Variants in MAP3K21 observed in about 807,000 individuals in gnomAD.
MAP3K21 encodes mitogen-activated protein kinase kinase kinase 21, also known as mitogen-activated protein kinase kinase kinase MLK4.
A neutral mutation model predicts 86.1 loss-of-function variants in MAP3K21; 63 were observed. The observed-to-expected ratio is 0.73, with a 90% confidence interval of 0.60 to 0.90. The LOEUF (loss-of-function observed/expected upper bound fraction) is 0.90. Among genes scored for constraint, MAP3K21 ranks in the 40% least tolerant of loss-of-function variants. MAP3K21 has a pLI of 0.00. For missense variants in MAP3K21, 1,220 were observed against 1,367.7 expected (o/e 0.89, Z 1.70); for synonymous variants, 558 against 564.8 (o/e 0.99, Z 0.17).
chr1:233,372,089 G>A lies in MAP3K21; in HGVS notation c.1604G>A (p.Arg535Gln), dbSNP rs748650251. 8.1e-6 allele frequency: 13 copies of A among 1,613,928 alleles called. No homozygotes were observed. Among genetic ancestry groups the A allele is most frequent in the South Asian group, 5.5e-5 (5 of 91,056 alleles). The change falls in exon 6 of 10, where the codon CGG (arginine) becomes CAG (glutamine). Residue 535 changes from arginine (R) to glutamine (Q), a missense_variant. Physicochemically the swap from Arg to Gln is conservative, Grantham distance 43. Coordinates refer to ENST00000366624, the MANE Select transcript of MAP3K21 (RefSeq NM_032435.3). ...VQASPNLDKR[R>Q]SLNSSSSSPP... is the part of the protein sequence containing the mutation. The stretch of plus-strand genomic sequence containing the variant: ...GCCTCTCCCAACTTGGACAAACGGC[G>A]GAGCCTGAACAGCAGCAGTTCCAGT...
intron 1 of MAP3K21, among the ~76,000 whole-genome samples, chr1:233,343,840 C>A (rs1041037539): frequency 2.6e-5 from 4 of 152,150 alleles, no homozygotes; most frequent in Admixed American, 1.3e-4. Flanking sequence ...GTAGAATATA[C>A]TCAGGAGTGT....
At chr1:233,329,536 C>T in intron 1 of MAP3K21, among the ~76,000 whole-genome samples, 1 of 152,188 alleles carries the variant, frequency 6.6e-6, no homozygotes, top group Middle Eastern at 3.4e-3. Flanking sequence ...CGCCTGTAAT[C>T]CCAGCTACTC....
At chr1:233,358,660 G>A (rs1014057909) in intron 4 of MAP3K21, among the ~76,000 whole-genome samples, 1 of 152,046 alleles carries the variant, frequency 6.6e-6, no homozygotes, top group Admixed American at 6.5e-5. Context: ...GGGTGTGATG[G>A]CTTGCAGCTG....
chr1:233,371,140 G>A (rs1663670749), intron 5 of MAP3K21, among the ~76,000 whole-genome samples: 1 of 152,162 alleles, frequency 6.6e-6, no homozygotes, highest in African/African-American at 2.4e-5. Context: ...TAGATAATAA[G>A]AGCCAGCATT....
intron 5 of MAP3K21, among the ~76,000 whole-genome samples, chr1:233,370,998 C>G (rs996950788): frequency 4.6e-5 from 7 of 152,192 alleles, no homozygotes; most frequent in African/African-American, 1.7e-4. Context: ...TCTTTTACCT[C>G]CTTCCAAGTT....
At chr1:233,369,606 T>C (rs1281636400) in intron 5 of MAP3K21, among the ~76,000 whole-genome samples, 1 of 151,968 alleles carries the variant, frequency 6.6e-6, no homozygotes, top group Non-Finnish European at 1.5e-5. Context: ...CTCAGAATGG[T>C]TTTTACACTT....
intron 1 of MAP3K21, among the ~76,000 whole-genome samples, chr1:233,335,312 A>G (rs190864120): frequency 6.6e-6 from 1 of 152,184 alleles, no homozygotes; most frequent in Non-Finnish European, 1.5e-5. Context: ...TTTAAAATTC[A>G]TCTTCTCCAA....
intron 4 of MAP3K21, among the ~76,000 whole-genome samples, chr1:233,361,022 C>T (rs894389781): frequency 1.3e-5 from 2 of 152,046 alleles, no homozygotes; most frequent in African/African-American, 4.8e-5. Context: ...CTTGCAGATG[C>T]GTTGATTTTT....
chr1:233,364,878 C>T (rs1488040596), intron 5 of MAP3K21, among the ~76,000 whole-genome samples: 1 of 152,074 alleles, frequency 6.6e-6, no homozygotes, highest in African/African-American at 2.4e-5. Context: ...TGACAGTTAC[C>T]TCTTCTGCCC....
chr1:233,354,304 T>A (rs1201465732), intron 3 of MAP3K21, among the ~76,000 whole-genome samples: 1 of 152,232 alleles, frequency 6.6e-6, no homozygotes. Flanking sequence ...CAGAAATGCC[T>A]TATGGTCTTA....
At position 233,328,170 on chromosome 1, in the gene MAP3K21, G is replaced by A. The variant is rs1484320477; in HGVS notation, c.142G>A (p.Asp48Asn). Residue 48 changes from aspartate (D) to asparagine (N), a missense_variant, in exon 1 of 10, where the codon GAC becomes AAC. Physicochemically the swap from Asp to Asn is conservative, Grantham distance 23 (BLOSUM62 1). Around this residue, in one of 5 missense-constraint regions of MAP3K21, gnomAD observed 369 missense variants for 385.3 expected, o/e 0.96. Transcript: ENST00000366624. This position sits in a 1 kb window ranked among gnomAD's most constrained non-coding sequence, Gnocchi z 8.7. ...AGAGLWAALY[D>N]YEARGEDELS... ...CGCGGGGCTGTGGGCCGCGCTCTAT[G>A]ACTACGAGGCTCGCGGCGAGGACGA... The A allele has an allele frequency of 2.7e-6, 4 of 1,471,528 alleles. No individual in the cohort carries two copies. The highest frequency in any genetic ancestry group is 2.4e-5 in the Admixed American group (1 of 41,660). 91.2% of individuals were successfully genotyped at this position (1,471,528 alleles called of 1,614,324 possible). A position where few individuals can be genotyped will look rare whatever the true frequency, so the allele number is the denominator to read the frequency against.
chr1:233,361,540 G>A (rs893640776), intron 4 of MAP3K21, among the ~76,000 whole-genome samples: 2 of 152,096 alleles, frequency 1.3e-5, no homozygotes, highest in Non-Finnish European at 2.9e-5. Context: ...CTTAAGCAAA[G>A]TTGTAAATAC....
chr1:233,329,844 G>A (rs564633014), intron 1 of MAP3K21, among the ~76,000 whole-genome samples: 64 of 152,334 alleles, frequency 4.2e-4, no homozygotes, highest in African/African-American at 1.5e-3. Context: ...ATAAATCAGG[G>A]TGGATTTTCC....
At chr1:233,339,974 T>C (rs1663008916) in intron 1 of MAP3K21, among the ~76,000 whole-genome samples, 2 of 152,168 alleles carry the variant, frequency 1.3e-5, no homozygotes, top group Admixed American at 1.3e-4. Context: ...CACTTGAGCC[T>C]GTTAAAATGC....
chr1:233,364,390 C>T (rs1390759013), intron 5 of MAP3K21, among the ~76,000 whole-genome samples: 1 of 152,144 alleles, frequency 6.6e-6, no homozygotes, highest in Non-Finnish European at 1.5e-5. Flanking sequence ...TTTCTTCTAG[C>T]TGTGATTTGA....
chr1:233,372,221 G>A (rs1180677750), intron 6 of MAP3K21, 61 bp downstream of exon 6: 1 of 1,595,132 alleles, frequency 6.3e-7, no homozygotes, highest in African/African-American at 1.3e-5. Context: ...CACTTGACTT[G>A]GATTCAAATT....
rs145660217 is a variant in MAP3K21 at position 233,366,467 on chromosome 1, T to C, written c.1552+4174T>C. Among the ~76,000 whole-genome samples, 374 of 152,302 alleles carry C rather than the reference T, an allele frequency of 2.5e-3. 2 individuals carry two copies. Among genetic ancestry groups the C allele is most frequent in the African/African-American group, 8.6e-3 (359 of 41,548 alleles). ...AATATCACTCTGTACCCCATAAATATGTATAATTTTTATGGGTCAACAAAA... is the reference window on the plus strand; with the variant it reads ...AATATCACTCTGTACCCCATAAATACGTATAATTTTTATGGGTCAACAAAA... On this transcript the variant is annotated intron_variant, in intron 5 of 9. Transcript: ENST00000366624.
chr1:233,352,167 G>A (rs375180616), intron 2 of MAP3K21, among the ~76,000 whole-genome samples: 12 of 152,226 alleles, frequency 7.9e-5, no homozygotes, highest in African/African-American at 2.2e-4. Context: ...AATTACAGGC[G>A]TGAACTGCCA....
intron 9 of MAP3K21, among the ~76,000 whole-genome samples, chr1:233,381,982 A>C (rs1157230744): frequency 6.6e-6 from 1 of 152,176 alleles, no homozygotes; most frequent in Non-Finnish European, 1.5e-5. Flanking sequence ...AAGCACTGTG[A>C]GGATTATTTA....
Sources: allele counts gnomAD v4.1 joint callset (sites outside exome capture counted in the v4.1 genomes callset), GRCh38; gene constraint gnomAD v4.1.1; regional missense constraint gnomAD v4.1.1; non-coding constraint Gnocchi (gnomAD v3.1); transcripts MANE v1.5; gene names NCBI Gene and HGNC (gene_info 2026-07-23, HGNC 2026-07-21).